MAGI2: variants seen among roughly 807,000 people sequenced by gnomAD.
The protein encoded by MAGI2 is membrane-associated guanylate kinase, WW and PDZ domain-containing protein 2.
In MAGI2, 35 loss-of-function variants were observed where a neutral mutation model predicts 133.3. That is an observed-to-expected ratio of 0.26 (90% confidence interval 0.20 to 0.35). The LOEUF (loss-of-function observed/expected upper bound fraction) is 0.35. Among genes scored for constraint, MAGI2 ranks in the 10% least tolerant of loss-of-function variants. The pLI, the probability that MAGI2 is intolerant of heterozygous loss-of-function variation, is 1.00. For synonymous variants in MAGI2, 729 were observed against 710.6 expected (o/e 1.03, Z -0.41); for missense variants, 1,636 against 1,863.4 (o/e 0.88, Z 2.25).
At position 78,173,664 on chromosome 7, in the gene MAGI2, G is replaced by A. The variant is rs115139558; in HGVS notation, c.2403+4347C>T. On this transcript the variant is annotated intron_variant, in intron 14 of 21. Coordinates refer to ENST00000354212, the MANE Select transcript of MAGI2 (RefSeq NM_012301.4). ...ATAATCTTTTCCGTGCTTAGGTTAGGTTTTGTAATTATCTGGCCCTGGTTG... is the reference window on the plus strand; with the variant it reads ...ATAATCTTTTCCGTGCTTAGGTTAGATTTTGTAATTATCTGGCCCTGGTTG... Among the ~76,000 whole-genome samples, 1,282 of 152,270 alleles carry A rather than the reference G, an allele frequency of 8.4e-3. 18 individuals carry two copies. The highest frequency in any genetic ancestry group is 0.029 in the African/African-American group (1,203 of 41,548).
chr7:79,094,370 T>C (rs879392414), intron 1 of MAGI2, among the ~76,000 whole-genome samples: 5 of 152,226 alleles, frequency 3.3e-5, no homozygotes, highest in Non-Finnish European at 5.9e-5. Flanking sequence ...TATTTTGCTA[T>C]TTCTACCCCA....
At chr7:79,202,502 GT>G (rs1226724520) in intron 1 of MAGI2, among the ~76,000 whole-genome samples, 2 of 151,858 alleles carry the variant, frequency 1.3e-5, no homozygotes, top group African/African-American at 4.8e-5. Flanking sequence ...GTGTTTATTA[GT>G]TACTGTGAGT....
chr7:79,147,089 T>C (rs1244014607), intron 1 of MAGI2, among the ~76,000 whole-genome samples: 2 of 152,246 alleles, frequency 1.3e-5, no homozygotes, highest in Non-Finnish European at 2.9e-5. Flanking sequence ...ATTTGAACTG[T>C]CTATGCTTCA....
chr7:79,127,516 A>C (rs530153625), intron 1 of MAGI2, among the ~76,000 whole-genome samples: 29 of 152,186 alleles, frequency 1.9e-4, no homozygotes, highest in African/African-American at 6.5e-4. Context: ...ATGGTATCTC[A>C]TTGTGGTTTT....
intron 1 of MAGI2, among the ~76,000 whole-genome samples, chr7:79,117,343 A>C (rs1384494996): frequency 1.3e-5 from 2 of 152,200 alleles, no homozygotes; most frequent in Non-Finnish European, 2.9e-5. Flanking sequence ...TCAAGAGCAC[A>C]TGTATATAAT....
intron 6 of MAGI2, among the ~76,000 whole-genome samples, chr7:78,403,092 C>T (rs1479001609): frequency 6.6e-6 from 1 of 152,112 alleles, no homozygotes; most frequent in Admixed American, 6.6e-5. Flanking sequence ...TGTTGGTGTG[C>T]TGCACCCATT....
chr7:78,893,737 G>A (rs569770866), intron 2 of MAGI2, among the ~76,000 whole-genome samples: 3 of 152,222 alleles, frequency 2.0e-5, no homozygotes, highest in Admixed American at 6.5e-5. Flanking sequence ...GTGGGTTGGG[G>A]GCGGGGGAGG....
intron 1 of MAGI2, among the ~76,000 whole-genome samples, chr7:79,221,999 C>G (rs1830477173): frequency 3.3e-5 from 5 of 152,020 alleles, no homozygotes; most frequent in Admixed American, 3.3e-4. Flanking sequence ...TATAAAACAG[C>G]TCACCCACTC....
chr7:78,717,302 G>C (rs1198262626), intron 2 of MAGI2, among the ~76,000 whole-genome samples: 1 of 151,620 alleles, frequency 6.6e-6, no homozygotes, highest in Non-Finnish European at 1.5e-5. Context: ...GAGTGAAAAG[G>C]TAAAACGTTA....
Position 79,399,079 on chromosome 7 carries a change from C to CTTTTCTTTTTTTTTTTTTTTTT in MAGI2, c.301+53940_301+53941insAAAAAAAAAAAAAAAAAGAAAA, listed in dbSNP as rs1585840184. On this transcript the variant is annotated intron_variant, in intron 1 of 21. Transcript: ENST00000354212. ...CATCTTCAATTCACTAGTATTATTTCTTTTTTTTTTCTTTTCTTTTTTTTT... is the reference window on the plus strand; with the variant it reads ...CATCTTCAATTCACTAGTATTATTTCTTTTCTTTTTTTTTTTTTTTTTTTTTTTTTTTCTTTTCTTTTTTTTT... Among the ~76,000 whole-genome samples the CTTTTCTTTTTTTTTTTTTTTTT allele has an allele frequency of 1.9e-4, 22 of 114,648 alleles. 2 individuals carry two copies. Among genetic ancestry groups the CTTTTCTTTTTTTTTTTTTTTTT allele is most frequent in the South Asian group, 1.3e-3 (4 of 3,062 alleles). The allele number at this position is 114,648 out of a possible 152,430, so 75.2% of individuals were successfully genotyped here.
At chr7:78,569,486 C>T (rs571393933) in intron 3 of MAGI2, among the ~76,000 whole-genome samples, 1 of 152,114 alleles carries the variant, frequency 6.6e-6, no homozygotes, top group Admixed American at 6.6e-5. Context: ...TATATCTAGG[C>T]ATATGGAAAC....
chr7:78,631,967 A>C (rs1220550180), intron 2 of MAGI2, among the ~76,000 whole-genome samples: 1 of 152,260 alleles, frequency 6.6e-6, no homozygotes. Context: ...CATAGGGCTA[A>C]TGTGAGGAAC....
intron 1 of MAGI2, among the ~76,000 whole-genome samples, chr7:79,309,665 A>T (rs922536237): frequency 1.3e-5 from 2 of 152,042 alleles, no homozygotes; most frequent in Non-Finnish European, 2.9e-5. Flanking sequence ...TACTGCTGTG[A>T]TGGCATGATT....
At chr7:79,213,295 C>T (rs909416052) in intron 1 of MAGI2, among the ~76,000 whole-genome samples, 5 of 147,232 alleles carry the variant, frequency 3.4e-5, no homozygotes, top group Non-Finnish European at 4.5e-5. Context: ...TGTGGGTGTA[C>T]GTGTGTGTAT....
At chr7:79,334,366 A>G (rs937316256) in intron 1 of MAGI2, among the ~76,000 whole-genome samples, 4 of 152,172 alleles carry the variant, frequency 2.6e-5, no homozygotes, top group Non-Finnish European at 5.9e-5. Flanking sequence ...GTTGAGAAAT[A>G]TCATTTTGAA....
chr7:78,072,824 C>T lies in MAGI2; in HGVS notation c.3706+6123G>A, dbSNP rs1030716957. 9 of 397,544 alleles carry T rather than the reference C, an allele frequency of 2.3e-5. No homozygotes were observed. The South Asian group carries it at 4.1e-4, about 18-fold the overall frequency. 24.6% of individuals were successfully genotyped at this position (397,544 alleles called of 1,614,324 possible). A position where few individuals can be genotyped will look rare whatever the true frequency, so the allele number is the denominator to read the frequency against. On this transcript the variant is annotated intron_variant, in intron 21 of 21. Coordinates refer to ENST00000354212, the MANE Select transcript of MAGI2 (RefSeq NM_012301.4). ...CTGGGACCACAGGAGTATGCCACCA[C>T]GCTTGGCTAATTTTTTTGTAGAGAC...
At chr7:78,348,798 C>T (rs1791187846) in intron 7 of MAGI2, among the ~76,000 whole-genome samples, 1 of 152,086 alleles carries the variant, frequency 6.6e-6, no homozygotes, top group Non-Finnish European at 1.5e-5. Context: ...CAAAAGTAAA[C>T]AAAATTAGGT....
At chr7:79,086,118 T>A (rs776083098) in intron 1 of MAGI2, among the ~76,000 whole-genome samples, 2 of 152,028 alleles carry the variant, frequency 1.3e-5, no homozygotes, top group East Asian at 1.9e-4. Context: ...TCTCTCATTA[T>A]CTCTATTTGG....
chr7:78,779,031 C>T (rs925925183), intron 2 of MAGI2, among the ~76,000 whole-genome samples: 8 of 151,806 alleles, frequency 5.3e-5, no homozygotes, highest in African/African-American at 1.2e-4. Flanking sequence ...CTCAGCCTCC[C>T]GAGTAGTGGG....
Sources: gnomAD v4.1 joint callset for allele counts (sites outside exome capture counted in the v4.1 genomes callset) on GRCh38, gnomAD v4.1.1 for gene constraint, MANE v1.5 for transcripts, NCBI Gene and HGNC (gene_info 2026-07-23, HGNC 2026-07-21) for gene names.